USP3: variants seen among roughly 807,000 people sequenced by gnomAD.
The protein encoded by USP3 is ubiquitin specific peptidase 3, also known as ubiquitin carboxyl-terminal hydrolase 3.
USP3 carries 20 observed loss-of-function variants against 72.3 expected under a neutral mutation model. The observed-to-expected ratio is 0.28, with a 90% CI of 0.19 to 0.40. The LOEUF (loss-of-function observed/expected upper bound fraction) is 0.40. USP3 is among the 10% of genes least tolerant of loss of function. The pLI, the probability that USP3 is intolerant of heterozygous loss-of-function variation, is 1.00. For synonymous variants in USP3, 222 were observed against 225.3 expected, an observed-to-expected ratio of 0.99 and a Z score of 0.13; for missense variants, 479 against 633.9, an observed-to-expected ratio of 0.76 and a Z score of 2.62.
chr15:63,545,579 G>T (rs895426988), intron 3 of USP3, among the ~76,000 whole-genome samples: 7 of 148,698 alleles, frequency 4.7e-5, no homozygotes, highest in African/African-American at 1.7e-4. Context: ...CAAGTATTTT[G>T]TTTTTTTTTA....
intron 1 of USP3, among the ~76,000 whole-genome samples, chr15:63,513,352 A>G (rs1180513190): frequency 1.3e-5 from 2 of 152,180 alleles, no homozygotes; most frequent in South Asian, 2.1e-4. Flanking sequence ...TTTGTCCTTG[A>G]TGACCAAGCT....
In USP3 at chr15:63,544,336, C is replaced by G. The variant is rs2066289520; in HGVS notation, c.284+7180C>G. The G allele has an allele frequency of 5.6e-6, 1 of 179,542 alleles. No individual in the cohort carries two copies. The highest frequency in any genetic ancestry group is 1.2e-5 in the Non-Finnish European group (1 of 85,370). 11.1% of individuals were successfully genotyped at this position (179,542 alleles called of 1,614,324 possible). On this transcript the variant is annotated intron_variant, in intron 3 of 14. Transcript: ENST00000380324. This position sits in a 1 kb window ranked among gnomAD's most constrained non-coding sequence, Gnocchi z 4.2. Reference sequence around the variant, plus strand: ...GCTTCTTTTGTAACCAAATGCAGGTCTGGATGCTCACTGCTTGTAGAGTCC... The same window carrying G: ...GCTTCTTTTGTAACCAAATGCAGGTGTGGATGCTCACTGCTTGTAGAGTCC...
At chr15:63,582,538 C>G (rs2152682475) in intron 11 of USP3, among the ~76,000 whole-genome samples, 1 of 152,280 alleles carries the variant, frequency 6.6e-6, no homozygotes, top group Non-Finnish European at 1.5e-5. Flanking sequence ...TATGAATCAT[C>G]TTATGGGCCT....
chr15:63,574,535 T>C lies in USP3; in HGVS notation c.1096+132T>C. On this transcript the variant is annotated intron_variant, in intron 11 of 14. Coordinates refer to ENST00000380324, the MANE Select transcript of USP3 (RefSeq NM_006537.4). This position sits in a 1 kb window ranked among gnomAD's most constrained non-coding sequence, Gnocchi z 4.6. ...TGTTGTAACTTAACAAAAGTCAAACTTGAATGTCTTTTCCTACTCCCCAAA... is the reference window on the plus strand; with the variant it reads ...TGTTGTAACTTAACAAAAGTCAAACCTGAATGTCTTTTCCTACTCCCCAAA... 3.3e-6 allele frequency: 2 copies of C among 609,690 alleles called. No homozygotes were observed. The highest frequency in any genetic ancestry group is 2.6e-6 in the Non-Finnish European group (1 of 385,338). The allele number at this position is 609,690 out of a possible 1,614,324, so 37.8% of individuals were successfully genotyped here.
intron 3 of USP3, among the ~76,000 whole-genome samples, chr15:63,540,221 C>G (rs142247552): frequency 6.6e-6 from 1 of 152,114 alleles, no homozygotes; most frequent in Non-Finnish European, 1.5e-5. Context: ...GCCAATAGTC[C>G]CTGCCCTGTC....
At position 63,594,036 on chromosome 15, in the gene USP3, C is replaced by T. The variant is rs2067250015; in HGVS notation, c.*3210C>T. 6.6e-6 allele frequency: 1 copy of T among 152,258 alleles called. No individual in the cohort carries two copies. The highest frequency in any genetic ancestry group is 2.4e-5 in the African/African-American group (1 of 41,466). The allele number at this position is 152,258 out of a possible 1,614,324, so 9.4% of individuals were successfully genotyped here. ...ACAGATGTACTAGAATTAAACCAGTCAAGTGTACTGGCCCGGGGTGAGTGT... is the reference window on the plus strand; with the variant it reads ...ACAGATGTACTAGAATTAAACCAGTTAAGTGTACTGGCCCGGGGTGAGTGT... On this transcript the variant is annotated 3_prime_UTR_variant, in exon 15 of 15. Coordinates refer to ENST00000380324, the MANE Select transcript of USP3 (RefSeq NM_006537.4).
intron 1 of USP3, among the ~76,000 whole-genome samples, chr15:63,508,946 A>G (rs560714611): frequency 1.6e-5 from 2 of 127,050 alleles, no homozygotes; most frequent in Non-Finnish European, 3.5e-5. Flanking sequence ...ATGTTCTGCA[A>G]TTTTGCACCA....
intron 1 of USP3, among the ~76,000 whole-genome samples, chr15:63,518,019 C>T (rs1042195014): frequency 6.6e-6 from 1 of 152,004 alleles, no homozygotes; most frequent in Non-Finnish European, 1.5e-5. Context: ...GGGAGAAGAG[C>T]TAAGTAGAAT....
Position 63,570,609 on chromosome 15 carries a change from GA to G in USP3, c.908+31del, listed in dbSNP as rs1305155638. ...GATTTAGTTGCCTTCTGTTTTTTAG[GA>G]GGGCCTCAGACATTTCTTTTGGTGT... On this transcript the variant is annotated intron_variant, in intron 9 of 14. Coordinates refer to ENST00000380324, the MANE Select transcript of USP3 (RefSeq NM_006537.4). This position sits in a 1 kb window ranked among gnomAD's most constrained non-coding sequence, Gnocchi z 4.4. The G allele has an allele frequency of 1.3e-6, 2 of 1,587,566 alleles. No individual in the cohort carries two copies. Among genetic ancestry groups the G allele is most frequent in the African/African-American group, 2.7e-5 (2 of 74,140 alleles).
intron 11 of USP3, among the ~76,000 whole-genome samples, chr15:63,579,133 A>G (rs1344994553): frequency 6.6e-6 from 1 of 152,218 alleles, no homozygotes; most frequent in Non-Finnish European, 1.5e-5. Context: ...TAAATTTAAT[A>G]AGGAATATGC....
At chr15:63,526,968 C>T (rs918918237) in intron 1 of USP3, among the ~76,000 whole-genome samples, 1 of 152,288 alleles carries the variant, frequency 6.6e-6, no homozygotes, top group Admixed American at 6.5e-5. Context: ...GATCTCGACT[C>T]ACTGCAGCCT....
chr15:63,526,639 A>C (rs2065986704), intron 1 of USP3, among the ~76,000 whole-genome samples: 2 of 152,218 alleles, frequency 1.3e-5, no homozygotes, highest in Admixed American at 6.5e-5. Flanking sequence ...GATCTTGAAC[A>C]GTGATTCCAC....
chr15:63,509,514 G>A (rs558082304), intron 1 of USP3, among the ~76,000 whole-genome samples: 1 of 152,298 alleles, frequency 6.6e-6, no homozygotes, highest in Admixed American at 6.5e-5. Flanking sequence ...TGTATTTATA[G>A]ATGGGCAGGT....
At chr15:63,531,685 A>T (rs920117864) in intron 1 of USP3, among the ~76,000 whole-genome samples, 5 of 152,132 alleles carry the variant, frequency 3.3e-5, no homozygotes, top group African/African-American at 1.2e-4. Flanking sequence ...ATCCTAAACT[A>T]AGAAATTTAA....
intron 3 of USP3, chr15:63,551,805 A>G (rs943466654): frequency 1.3e-5 from 2 of 152,222 alleles, no homozygotes; most frequent in African/African-American, 4.8e-5. Flanking sequence ...ACATTTGCAC[A>G]GCTCTGGAGT....
At chr15:63,542,976 A>C (rs1567105704) in intron 3 of USP3, among the ~76,000 whole-genome samples, 1 of 152,212 alleles carries the variant, frequency 6.6e-6, no homozygotes, top group Non-Finnish European at 1.5e-5. Flanking sequence ...AGTAGAAAAC[A>C]GCAATGAGGA....
rs530484012 is a variant in USP3, at chr15:63,537,839, C to A, written c.284+683C>A. ...TAGCTGGGATTACAAGCATGTGCCG[C>A]CATGCCCAGCTAATTTTGTATTTTT... On this transcript the variant is annotated intron_variant, in intron 3 of 14. Coordinates refer to ENST00000380324, the MANE Select transcript of USP3 (RefSeq NM_006537.4). Among the ~76,000 whole-genome samples, 4 of 152,254 alleles carry A rather than the reference C, an allele frequency of 2.6e-5. No homozygotes were observed. The South Asian group carries it at 6.2e-4, about 24-fold the overall frequency.
At position 63,591,859 on chromosome 15, in the gene USP3, A is replaced by AC. The variant is rs2067206827; in HGVS notation, c.*1033_*1034insC. ...TAACACCTCTCTCTGGCCTATCCTG[A>AC]TTGATAGGACAAGTTGAAAATACTG... On this transcript the variant is annotated 3_prime_UTR_variant, in exon 15 of 15. Transcript: ENST00000380324. 1.3e-5 allele frequency: 2 copies of AC among 148,312 alleles called. No homozygotes were observed. The highest frequency in any genetic ancestry group is 4.9e-5 in the African/African-American group (2 of 40,734). 9.2% of individuals were successfully genotyped at this position (148,312 alleles called of 1,614,324 possible).
At chr15:63,573,904 T>C (rs2066819635) in intron 9 of USP3, 142 bp from the exon 10 acceptor site, 4 of 459,570 alleles carry the variant, frequency 8.7e-6, no homozygotes, top group Non-Finnish European at 1.4e-5. Context: ...TTTTATATTA[T>C]TTTTTAACTT....
Sources: allele counts gnomAD v4.1 joint callset (sites outside exome capture counted in the v4.1 genomes callset), GRCh38; gene constraint gnomAD v4.1.1; non-coding constraint Gnocchi (gnomAD v3.1); transcripts MANE v1.5; gene names NCBI Gene and HGNC (gene_info 2026-07-23, HGNC 2026-07-21).